The following IRX2 variants were observed in gnomAD, a reference collection of about 807,000 sequenced individuals.
IRX2 encodes iroquois-class homeodomain protein IRX-2.
IRX2 carries 26 observed loss-of-function variants against 42.9 expected under a neutral mutation model. That is an observed-to-expected ratio of 0.61 (90% CI 0.44 to 0.84). IRX2 has a LOEUF of 0.84. Ranked by LOEUF, IRX2 falls within the 40% of genes least tolerant of loss-of-function variation. IRX2 has a pLI of 0.00. For missense variants in IRX2, 782 were observed against 713.9 expected (o/e 1.10, Z -1.09); for synonymous variants, 424 against 353.9 (o/e 1.20, Z -2.22).
chr5:2,748,898 GTCGTCGTCC>G lies in IRX2; in HGVS notation c.801_809del (p.Glu267_Asp269del), dbSNP rs775578728. ...GCGCCAGGCCCCGCTCGCCCTCCTC[GTCGTCGTCC>G]TCGTCGTCCTCCAGGTCGTCATACT... On this transcript the variant is annotated inframe_deletion, in exon 3 of 4. Coordinates refer to ENST00000302057, the MANE Select transcript of IRX2 (RefSeq NM_033267.5). 120 of 1,595,750 alleles carry G rather than the reference GTCGTCGTCC, an allele frequency of 7.5e-5. No individual in the cohort carries two copies. In the South Asian group the frequency reaches 8.2e-4, roughly 11 times the overall value.
rs866799941 is a variant in IRX2 at position 2,750,846 on chromosome 5, G to A, written c.249+319C>T. Among the ~76,000 whole-genome samples, 95 of 152,308 alleles carry A rather than the reference G, an allele frequency of 6.2e-4. 1 individual carries two copies. Among genetic ancestry groups the A allele is most frequent in the Middle Eastern group, 6.8e-3 (2 of 294 alleles). ...CCCAGGCTGCGGTGCGGAAACCAGG[G>A]ACAAACGGCGCCAGACCCCGGCCCC... is the stretch of plus-strand genomic sequence containing the variant. On this transcript the variant is annotated intron_variant, in intron 1 of 3. Coordinates refer to ENST00000302057, the MANE Select transcript of IRX2 (RefSeq NM_033267.5).
chr5:2,738,504 G>C, the IRX2 span, among the ~76,000 whole-genome samples: 4 of 152,098 alleles, frequency 2.6e-5, no homozygotes, highest in Admixed American at 6.5e-5. Context: ...CCTGTTCCCC[G>C]CTTGGGCCGA....
rs201989826 is a variant in IRX2, at chr5:2,747,587, C to A, written c.1393G>T (p.Gly465Trp). The A allele has an allele frequency of 6.2e-7, 1 of 1,614,046 alleles. No homozygotes were observed. The highest frequency in any genetic ancestry group is 2.2e-5 in the East Asian group (1 of 44,876). ...TTCTATAGGTAGGGCTGGACGCCCC[C>A]GCCAACCACGGTGCAGCCCTCGCTG... Reference protein sequence around the residue: ...DASEGCTVVGGGVQPYL With the variant: ...DASEGCTVVGWGVQPYL The change falls in exon 4 of 4, where the codon GGG becomes TGG. Residue 465 changes from glycine to tryptophan, a missense_variant. Physicochemically the swap from Gly to Trp is radical, Grantham distance 184. Transcript: ENST00000302057.
chr5:2,737,736 C>T, the IRX2 span: 1 of 152,292 alleles, frequency 6.6e-6, no homozygotes, highest in African/African-American at 2.4e-5. Flanking sequence ...CATTACCTGC[C>T]CTCAAACATT....
the IRX2 span, among the ~76,000 whole-genome samples, chr5:2,736,076 G>GC: frequency 6.6e-6 from 1 of 152,256 alleles, no homozygotes; most frequent in Admixed American, 6.5e-5. Context: ...TACCCTATCA[G>GC]CCCACGCCAT....
At chr5:2,744,442 G>A (rs898634025), downstream of IRX2, among the ~76,000 whole-genome samples, 1 of 152,112 alleles carries the variant, frequency 6.6e-6, no homozygotes, top group Non-Finnish European at 1.5e-5. Flanking sequence ...TAGGAAATAT[G>A]GGTAATATTA....
the IRX2 span, among the ~76,000 whole-genome samples, chr5:2,738,002 T>C: frequency 1.3e-5 from 2 of 152,132 alleles, no homozygotes; most frequent in Non-Finnish European, 1.5e-5. Flanking sequence ...CTCCCACTCC[T>C]CCCGGCCTTG....
the IRX2 span, among the ~76,000 whole-genome samples, chr5:2,737,938 C>T: frequency 4.6e-5 from 7 of 152,174 alleles, no homozygotes; most frequent in African/African-American, 1.7e-4. Context: ...GGGGTGTCCC[C>T]CTGCCCACCC....
chr5:2,736,120 A>T, the IRX2 span, among the ~76,000 whole-genome samples: 5 of 152,230 alleles, frequency 3.3e-5, no homozygotes, highest in African/African-American at 1.2e-4. Flanking sequence ...TGAAACCAAC[A>T]TCCCAGTCTT....
At chr5:2,743,122 C>T (rs1052153692), downstream of IRX2, among the ~76,000 whole-genome samples, 1 of 152,168 alleles carries the variant, frequency 6.6e-6, no homozygotes, top group Non-Finnish European at 1.5e-5. Flanking sequence ...TCCGCGGCGG[C>T]CCGGCGAGGG....
At chr5:2,736,555 T>C in the IRX2 span, 11 of 152,376 alleles carry the variant, frequency 7.2e-5, no homozygotes, top group African/African-American at 2.6e-4. Flanking sequence ...TGATTTGCTA[T>C]CAATTTTTGA....
At chr5:2,750,989 C>T (rs1258717371) in intron 1 of IRX2, among the ~76,000 whole-genome samples, 176 bp downstream of exon 1, 1 of 151,672 alleles carries the variant, frequency 6.6e-6, no homozygotes, top group African/African-American at 2.4e-5. Flanking sequence ...GCGCTGCCCT[C>T]CCCACCCGGG....
chr5:2,741,471 G>T (rs527849651), downstream of IRX2, among the ~76,000 whole-genome samples: 13 of 152,106 alleles, frequency 8.5e-5, no homozygotes, highest in Non-Finnish European at 1.6e-4. Context: ...TTCCTTAAAG[G>T]TCACCAAAAA....
chr5:2,749,501 G>A lies in IRX2; in HGVS notation c.536C>T (p.Thr179Ile), dbSNP rs776996559. The stretch of plus-strand genomic sequence containing the variant: ...TTCGCTTTTGTTTCTCGGGGCCCAG[G>A]TCATCTTGTTCTCCTTCTTGAGGCG... ...RRRLKKENKM[T>I]WAPRNKSEDE... is the part of the protein sequence containing the mutation. The change falls in exon 2 of 4, where the codon ACC (threonine) becomes ATC (isoleucine). Residue 179 changes from threonine (T) to isoleucine (I), a missense_variant. Thr to Ile is a moderately conservative substitution (Grantham distance 89). Transcript: ENST00000302057. 1.1e-5 allele frequency: 17 copies of A among 1,614,202 alleles called. No homozygotes were observed. Among genetic ancestry groups the A allele is most frequent in the Non-Finnish European group, 1.4e-5 (16 of 1,180,026 alleles).
the IRX2 span, chr5:2,737,711 T>G: frequency 6.6e-6 from 1 of 152,306 alleles, no homozygotes; most frequent in Non-Finnish European, 1.5e-5. Context: ...CCATCTCATG[T>G]CTACCCGTAG....
downstream of IRX2, among the ~76,000 whole-genome samples, chr5:2,744,651 T>C (rs1361322728): frequency 6.6e-6 from 1 of 152,206 alleles, no homozygotes; most frequent in Non-Finnish European, 1.5e-5. Context: ...AAGCTTACCA[T>C]GTGAAAAATC....
intron 1 of IRX2, among the ~76,000 whole-genome samples, chr5:2,750,585 C>G (rs1466164430): frequency 1.3e-5 from 2 of 152,288 alleles, no homozygotes; most frequent in African/African-American, 4.8e-5. Context: ...CCCGCAAGCA[C>G]GATATTTGAA....
intron 1 of IRX2, among the ~76,000 whole-genome samples, chr5:2,750,844 G>C (rs893239575): frequency 9.2e-5 from 14 of 152,206 alleles, no homozygotes; most frequent in Non-Finnish European, 1.6e-4. Flanking sequence ...GCGGAAACCA[G>C]GGACAAACGG....
Position 2,748,972 on chromosome 5 carries a change from C to G in IRX2, c.736G>C (p.Gly246Arg). Residue 246 changes from glycine (G) to arginine (R), a missense_variant, in exon 3 of 4, where the codon GGG (glycine) becomes CGG (arginine). Around this residue, in one of 3 missense-constraint regions of IRX2, gnomAD observed 520 missense variants for 437.8 expected, o/e 1.19. Transcript: ENST00000302057. ...GAGCCCGATTCGCACAGGGGGTCCCCGGCGCGGCACGGAAGCTTCTCCCCG... is the reference window on the plus strand; with the variant it reads ...GAGCCCGATTCGCACAGGGGGTCCCGGGCGCGGCACGGAAGCTTCTCCCCG... ...SDGEKLPCRA[G>R]DPLCESGSEC... is the part of the protein sequence containing the mutation. 6.3e-7 allele frequency: 1 copy of G among 1,597,384 alleles called. No homozygotes were observed. The highest frequency in any genetic ancestry group is 8.5e-7 in the Non-Finnish European group (1 of 1,179,512).
Sources: allele counts gnomAD v4.1 joint callset (sites outside exome capture counted in the v4.1 genomes callset), GRCh38; gene constraint gnomAD v4.1.1; regional missense constraint gnomAD v4.1.1; transcripts MANE v1.5; gene names NCBI Gene and HGNC (gene_info 2026-07-23, HGNC 2026-07-21).